The following SYNDIG1 variants were observed in gnomAD, a reference collection of about 807,000 sequenced individuals.
SYNDIG1 encodes the protein synapse differentiation-inducing gene protein 1.
Under a neutral mutation model 19.4 loss-of-function variants are expected in SYNDIG1, and 9 were observed. That is an observed-to-expected ratio of 0.46 (90% CI 0.28 to 0.81). The LOEUF (loss-of-function observed/expected upper bound fraction) is 0.81. Ranked by LOEUF, SYNDIG1 falls within the 30% of genes least tolerant of loss-of-function variation. The pLI is 0.12. For synonymous variants in SYNDIG1, 141 were observed against 145.9 expected (o/e 0.97, Z 0.24); for missense variants, 311 against 343.3 (o/e 0.91, Z 0.74).
At chr20:24,488,015 A>G (rs2056017738) in intron 1 of SYNDIG1, among the ~76,000 whole-genome samples, 1 of 152,220 alleles carries the variant, frequency 6.6e-6, no homozygotes, top group Non-Finnish European at 1.5e-5. Context: ...CAAGCATCCC[A>G]GCGCAGCTTC....
intron 2 of SYNDIG1, among the ~76,000 whole-genome samples, chr20:24,562,370 T>G (rs1205233659): frequency 6.6e-6 from 1 of 152,240 alleles, no homozygotes; most frequent in Non-Finnish European, 1.5e-5. Flanking sequence ...ATCAAAAATA[T>G]TTTGTGAAAT....
chr20:24,611,591 G>A (rs2058848859), intron 3 of SYNDIG1, among the ~76,000 whole-genome samples: 1 of 151,816 alleles, frequency 6.6e-6, no homozygotes, highest in Non-Finnish European at 1.5e-5. Context: ...CTGTACTCTG[G>A]TATGCCCTTG....
At chr20:24,545,912 A>G (rs1261034812) in intron 2 of SYNDIG1, among the ~76,000 whole-genome samples, 2 of 152,234 alleles carry the variant, frequency 1.3e-5, no homozygotes, top group African/African-American at 4.8e-5. Context: ...TGGCATTTAT[A>G]CTAAAGTAAC....
At chr20:24,664,839 C>T (rs561747332) in intron 3 of SYNDIG1, among the ~76,000 whole-genome samples, 17 of 152,146 alleles carry the variant, frequency 1.1e-4, no homozygotes, top group East Asian at 7.7e-4. Flanking sequence ...GATCTTATGC[C>T]GGAGTTTCTC....
intron 1 of SYNDIG1, among the ~76,000 whole-genome samples, chr20:24,492,098 A>T (rs1247208066): frequency 1.3e-5 from 2 of 152,224 alleles, no homozygotes; most frequent in Non-Finnish European, 2.9e-5. Context: ...GCTCCGTGTG[A>T]ACAGATCCTC....
At chr20:24,522,293 G>C (rs976646377) in intron 1 of SYNDIG1, among the ~76,000 whole-genome samples, 1 of 152,088 alleles carries the variant, frequency 6.6e-6, no homozygotes, top group Non-Finnish European at 1.5e-5. Flanking sequence ...GTCTCATTGT[G>C]TTGCACAGGC....
chr20:24,576,651 T>C (rs1050992696), intron 2 of SYNDIG1, among the ~76,000 whole-genome samples: 13 of 152,168 alleles, frequency 8.5e-5, no homozygotes, highest in Non-Finnish European at 2.9e-5. Context: ...ACATGAACTC[T>C]ACCCATGTGC....
At chr20:24,486,660 T>A (rs868506527) in intron 1 of SYNDIG1, among the ~76,000 whole-genome samples, 4,159 of 142,390 alleles carry the variant, frequency 0.029, 96 homozygotes, top group Admixed American at 0.067. Flanking sequence ...ATTTATTTAA[T>A]TTTTTTTTTG....
rs1045021410 is a variant in SYNDIG1 at position 24,527,573 on chromosome 20, T to C, written c.-78-15447T>C. 3.3e-5 allele frequency among the ~76,000 whole-genome samples: 5 copies of C among 150,840 alleles called. 1 individual carries two copies. The highest frequency in any genetic ancestry group is 1.2e-4 in the African/African-American group (5 of 41,114). ...TTCTTTCTCTATAGACTCTCACTTA[T>C]GGTGGCATACAGTCTTTTGTGCATG... On this transcript the variant is annotated intron_variant, in intron 1 of 3. Transcript: ENST00000376862.
chr20:24,485,579 C>T (rs1220371953), intron 1 of SYNDIG1, among the ~76,000 whole-genome samples: 2 of 152,186 alleles, frequency 1.3e-5, no homozygotes, highest in Admixed American at 1.3e-4. Context: ...AATTTGGATA[C>T]AGCTTTTTAT....
intron 3 of SYNDIG1, among the ~76,000 whole-genome samples, chr20:24,605,101 A>G (rs2058735318): frequency 6.6e-6 from 1 of 152,104 alleles, no homozygotes; most frequent in Admixed American, 6.5e-5. Flanking sequence ...GCTGGGGTCC[A>G]GGAGAAAGTC....
chr20:24,656,320 A>G (rs2059525440), intron 3 of SYNDIG1, among the ~76,000 whole-genome samples: 1 of 152,346 alleles, frequency 6.6e-6, no homozygotes, highest in South Asian at 2.1e-4. Context: ...GATCTGACGA[A>G]TAAGGAGAGT....
intron 1 of SYNDIG1, among the ~76,000 whole-genome samples, chr20:24,531,422 T>TA (rs1441621594): frequency 1.3e-5 from 2 of 152,096 alleles, no homozygotes; most frequent in Middle Eastern, 3.4e-3. Context: ...CATAGACTTT[T>TA]AAAAAAAATC....
intron 3 of SYNDIG1, among the ~76,000 whole-genome samples, chr20:24,621,433 C>T (rs773510652): frequency 1.3e-5 from 2 of 152,204 alleles, no homozygotes; most frequent in Non-Finnish European, 2.9e-5. Context: ...TGTATTATTT[C>T]AGATTTGCTG....
At chr20:24,641,585 G>A (rs1388662797) in intron 3 of SYNDIG1, among the ~76,000 whole-genome samples, 1 of 152,136 alleles carries the variant, frequency 6.6e-6, no homozygotes, top group African/African-American at 2.4e-5. Context: ...AGCAAAATAG[G>A]TATTATAACT....
chr20:24,590,681 A>T (rs961256339), intron 3 of SYNDIG1, among the ~76,000 whole-genome samples: 1 of 152,100 alleles, frequency 6.6e-6, no homozygotes, highest in African/African-American at 2.4e-5. Context: ...CTGCAGCCGG[A>T]TAGGCAGCAC....
rs2057506150 is a variant in SYNDIG1 at position 24,543,350 on chromosome 20, T to A, written c.253T>A (p.Ser85Thr). 6.2e-7 allele frequency: 1 copy of A among 1,613,012 alleles called. No individual in the cohort carries two copies. The highest frequency in any genetic ancestry group is 8.5e-7 in the Non-Finnish European group (1 of 1,179,938). ...DPNTLQQSVESRYRPNIILYS... is the reference protein window; with the variant it reads ...DPNTLQQSVETRYRPNIILYS... ...CAACACCCTGCAGCAGTCAGTGGAG[T>A]CCCGCTACCGGCCCAACATCATCCT... Residue 85 changes from serine (S) to threonine (T), a missense_variant, in exon 2 of 4, where the codon TCC becomes ACC. Transcript: ENST00000376862.
intron 1 of SYNDIG1, among the ~76,000 whole-genome samples, chr20:24,500,085 G>A (rs906179196): frequency 1.3e-5 from 2 of 152,080 alleles, no homozygotes; most frequent in African/African-American, 4.8e-5. Context: ...TGTCCAGACT[G>A]TGGGTTTGCT....
intron 1 of SYNDIG1, among the ~76,000 whole-genome samples, chr20:24,520,460 C>A (rs1433503831): frequency 1.3e-5 from 2 of 152,092 alleles, no homozygotes; most frequent in Non-Finnish European, 2.9e-5. Context: ...CTTTGGGAGG[C>A]TGAGGCAGGC....
Sources: allele counts gnomAD v4.1 joint callset (sites outside exome capture counted in the v4.1 genomes callset), GRCh38; gene constraint gnomAD v4.1.1; transcripts MANE v1.5; gene names NCBI Gene and HGNC (gene_info 2026-07-23, HGNC 2026-07-21).